The following THSD4 variants were observed in gnomAD, a reference collection of about 807,000 sequenced individuals.
THSD4 encodes the protein thrombospondin type 1 domain containing 4.
In THSD4, 69 loss-of-function variants were observed where a neutral mutation model predicts 119.0. The observed-to-expected ratio is 0.58, with a 90% confidence interval of 0.48 to 0.71. The LOEUF (loss-of-function observed/expected upper bound fraction) is 0.71. THSD4 is among the 30% of genes least tolerant of loss of function. The probability of loss-of-function intolerance (pLI) is 0.00; values close to 1 mark genes in which losing one functional copy is unlikely to be tolerated. For synonymous variants in THSD4, 524 were observed against 540.4 expected, an observed-to-expected ratio of 0.97 and a Z score of 0.42; for missense variants, 1,393 against 1,391.1, an observed-to-expected ratio of 1.00 and a Z score of -0.02.
chr15:71,156,027 T>C (rs937280390), intron 3 of THSD4, among the ~76,000 whole-genome samples: 4 of 152,124 alleles, frequency 2.6e-5, no homozygotes, highest in Non-Finnish European at 5.9e-5. Flanking sequence ...AAATGAACCA[T>C]CCACCATTGC....
At chr15:71,400,396 TCTC>T in intron 6 of THSD4, among the ~76,000 whole-genome samples, 1 of 152,288 alleles carries the variant, frequency 6.6e-6, no homozygotes, top group African/African-American at 2.4e-5. Context: ...TGAGAATCAT[TCTC>T]CTCATCTTAT....
intron 7 of THSD4, among the ~76,000 whole-genome samples, chr15:71,631,971 C>G (rs1018643005): frequency 1.3e-5 from 2 of 152,184 alleles, no homozygotes; most frequent in African/African-American, 4.8e-5. Flanking sequence ...AGCTTTGTGT[C>G]TTACTAGCCG....
intron 7 of THSD4, among the ~76,000 whole-genome samples, chr15:71,434,846 T>C (rs1337276428): frequency 6.6e-6 from 1 of 152,178 alleles, no homozygotes; most frequent in Admixed American, 6.5e-5. Context: ...AAACAGCACA[T>C]ATTCTGGGTT....
chr15:71,424,663 A>G (rs1342593997), intron 7 of THSD4, among the ~76,000 whole-genome samples: 1 of 152,178 alleles, frequency 6.6e-6, no homozygotes, highest in African/African-American at 2.4e-5. Flanking sequence ...TGCAAGCGAA[A>G]TATCACTTAG....
intron 8 of THSD4, among the ~76,000 whole-genome samples, chr15:71,726,634 T>A (rs1229117226): frequency 6.6e-6 from 1 of 152,158 alleles, no homozygotes; most frequent in African/African-American, 2.4e-5. Flanking sequence ...ACTATGTACA[T>A]AGCACTTAAA....
intron 3 of THSD4, among the ~76,000 whole-genome samples, chr15:71,172,329 A>C (rs1475401735): frequency 6.6e-6 from 1 of 151,922 alleles, no homozygotes; most frequent in African/African-American, 2.4e-5. Context: ...TGTCTCAAAA[A>C]AAAATAATTA....
In THSD4 at chr15:71,715,275, A is replaced by G. The variant is rs147101435; in HGVS notation, c.1358-13274A>G. On this transcript the variant is annotated intron_variant, in intron 8 of 17. Transcript: ENST00000261862. ...TAGGTTAACTACTTCTGCCATTAGC[A>G]GTCCGTTTGGTAGTCAGGAATGAAT... 2.9e-3 allele frequency among the ~76,000 whole-genome samples: 448 copies of G among 152,320 alleles called. 2 individuals are homozygous for G. The highest frequency in any genetic ancestry group is 0.01 in the African/African-American group (424 of 41,580).
At chr15:71,765,753 A>T (rs1199348890) in intron 16 of THSD4, among the ~76,000 whole-genome samples, 7 of 151,292 alleles carry the variant, frequency 4.6e-5, no homozygotes, top group Non-Finnish European at 8.8e-5. Context: ...CATTTTTTTT[A>T]ATTACTACAT....
chr15:71,540,459 G>T, intron 7 of THSD4, among the ~76,000 whole-genome samples: 1 of 92,734 alleles, frequency 1.1e-5, no homozygotes, highest in Admixed American at 1.3e-4. Context: ...TTTTAAACGA[G>T]TCTCTGTCAC....
At chr15:71,703,656 G>A (rs1250448477) in intron 8 of THSD4, among the ~76,000 whole-genome samples, 2 of 152,150 alleles carry the variant, frequency 1.3e-5, no homozygotes, top group South Asian at 2.1e-4. Context: ...GAGTCCAGCT[G>A]CAGGGCTCAG....
intron 11 of THSD4, 28 bp from the exon 12 acceptor site, chr15:71,745,078 T>A (rs1388256456): frequency 1.4e-5 from 22 of 1,604,914 alleles, no homozygotes; most frequent in Non-Finnish European, 1.9e-5. Flanking sequence ...TGTGGGACTG[T>A]CCTTCAGACA....
rs1566961387 is a variant in THSD4 at position 71,377,883 on chromosome 15, C to CACACACACACACACACACACACACAA, written c.1016-33779_1016-33778insAACACACACACACACACACACACACA. Among the ~76,000 whole-genome samples, 25 of 81,036 alleles carry CACACACACACACACACACACACACAA rather than the reference C, an allele frequency of 3.1e-4. No homozygotes were observed. In the South Asian group the frequency reaches 3.3e-3, roughly 11 times the overall value. The allele number at this position is 81,036 out of a possible 152,430, so 53.2% of individuals were successfully genotyped here. The stretch of plus-strand genomic sequence containing the variant: ...CATATCCACAACACACACACACACA[C>CACACACACACACACACACACACACAA]ACACACACACACACACACACACACA... On this transcript the variant is annotated intron_variant, in intron 6 of 17. Transcript: ENST00000261862.
At chr15:71,334,042 G>T (rs560223057) in intron 6 of THSD4, among the ~76,000 whole-genome samples, 1 of 152,206 alleles carries the variant, frequency 6.6e-6, no homozygotes, top group South Asian at 2.1e-4. Flanking sequence ...TTTTAGTTTC[G>T]AGTTGAGTTG....
intron 6 of THSD4, among the ~76,000 whole-genome samples, chr15:71,299,914 G>C (rs1369444112): frequency 6.7e-6 from 1 of 149,090 alleles, no homozygotes; most frequent in Non-Finnish European, 1.5e-5. Flanking sequence ...TTTGAGGCCA[G>C]GAGTTTCAGA....
chr15:71,195,165 G>A (rs1342612638), intron 3 of THSD4, among the ~76,000 whole-genome samples: 6 of 152,174 alleles, frequency 3.9e-5, no homozygotes, highest in South Asian at 4.1e-4. Context: ...CTCAGTCTAC[G>A]GGAGACATTA....
At chr15:71,485,494 A>T (rs949509759) in intron 7 of THSD4, among the ~76,000 whole-genome samples, 1 of 152,194 alleles carries the variant, frequency 6.6e-6, no homozygotes, top group African/African-American at 2.4e-5. Flanking sequence ...TACAAATTCA[A>T]CTTTGAAATG....
chr15:71,341,476 T>C (rs370163041), intron 6 of THSD4: 3 of 1,613,246 alleles, frequency 1.9e-6, no homozygotes, highest in African/African-American at 2.7e-5. Flanking sequence ...ACCGACCTTG[T>C]GTCCAGCCCC....
chr15:71,462,802 A>G (rs562951920), intron 7 of THSD4, among the ~76,000 whole-genome samples: 18 of 152,370 alleles, frequency 1.2e-4, no homozygotes, highest in African/African-American at 4.1e-4. Flanking sequence ...TCTTAGTTTC[A>G]AAGTCCATCT....
chr15:71,406,915 C>T (rs2046617216), intron 6 of THSD4, among the ~76,000 whole-genome samples: 1 of 152,042 alleles, frequency 6.6e-6, no homozygotes, highest in Non-Finnish European at 1.5e-5. Context: ...AACTCCTGAT[C>T]TCAGGTGATC....
Sources: gnomAD v4.1 joint callset for allele counts (sites outside exome capture counted in the v4.1 genomes callset) on GRCh38, gnomAD v4.1.1 for gene constraint, MANE v1.5 for transcripts, NCBI Gene and HGNC (gene_info 2026-07-23, HGNC 2026-07-21) for gene names.